SPINK5: variants seen among roughly 807,000 people sequenced by gnomAD.
SPINK5 encodes the protein serine peptidase inhibitor Kazal type 5.
SPINK5 carries 125 observed loss-of-function variants against 151.8 expected under a neutral mutation model. The ratio of observed to expected loss-of-function variants is 0.82; its 90% CI spans 0.71 to 0.96. SPINK5 has a LOEUF of 0.96. Among genes scored for constraint, SPINK5 ranks in the 40% least tolerant of loss-of-function variants. The pLI is 0.00. For missense variants in SPINK5, 1,194 were observed against 1,291.9 expected (o/e 0.92, Z 1.16); for synonymous variants, 374 against 395.3 (o/e 0.95, Z 0.64).
chr5:148,081,703 C>T (rs1236013165), intron 4 of SPINK5, among the ~76,000 whole-genome samples: 1 of 151,560 alleles, frequency 6.6e-6, no homozygotes, highest in Non-Finnish European at 1.5e-5. Context: ...GGCTGTACAA[C>T]TCTTTCCATT....
chr5:148,099,799 T>C (rs947401411), intron 12 of SPINK5, among the ~76,000 whole-genome samples: 11 of 152,144 alleles, frequency 7.2e-5, no homozygotes, highest in African/African-American at 2.4e-4. Context: ...CTCTGGATTT[T>C]ATCCTTTCCC....
At chr5:148,133,002 C>G (rs1376935559) in intron 31 of SPINK5, among the ~76,000 whole-genome samples, 3 of 152,088 alleles carry the variant, frequency 2.0e-5, no homozygotes, top group Non-Finnish European at 2.9e-5. Flanking sequence ...CCTAAATTAT[C>G]CATATAATTT....
At chr5:148,094,926 A>G (rs1753415937) in intron 9 of SPINK5, among the ~76,000 whole-genome samples, 1 of 151,946 alleles carries the variant, frequency 6.6e-6, no homozygotes, top group Non-Finnish European at 1.5e-5. Flanking sequence ...GGGACATATG[A>G]CCTTGGGAGA....
At chr5:148,126,930 G>C (rs1581109715) in intron 29 of SPINK5, 53 bp from the exon 30 acceptor site, 2 of 1,423,990 alleles carry the variant, frequency 1.4e-6, no homozygotes, top group Middle Eastern at 2.3e-4. Flanking sequence ...CTTCTCACTG[G>C]AAGTTATAGG....
intron 15 of SPINK5, 33 bp from the exon 16 acceptor site, chr5:148,104,919 T>TTCTTCTC (rs2113132639): frequency 6.3e-7 from 1 of 1,599,256 alleles, no homozygotes; most frequent in East Asian, 2.3e-5. Context: ...AAAAATCCAT[T>TTCTTCTC]TCTTCTCTCT....
chr5:148,116,749 C>G (rs1237339982), intron 22 of SPINK5, among the ~76,000 whole-genome samples: 5 of 152,222 alleles, frequency 3.3e-5, no homozygotes, highest in Non-Finnish European at 5.9e-5. Context: ...TAATCGTTCT[C>G]ATCAGTATCA....
intron 15 of SPINK5, among the ~76,000 whole-genome samples, chr5:148,103,272 CA>C (rs981550840): frequency 2.0e-5 from 3 of 151,942 alleles, no homozygotes; most frequent in African/African-American, 7.3e-5. Flanking sequence ...TAGATGAAAC[CA>C]GATAAAAAGC....
At chr5:148,125,417 C>A in intron 28 of SPINK5, 2 of 1,044,880 alleles carry the variant, frequency 1.9e-6, no homozygotes, top group Non-Finnish European at 1.5e-6. Flanking sequence ...GTCCTTTTGT[C>A]AAAAGCATGC....
intron 4 of SPINK5, among the ~76,000 whole-genome samples, chr5:148,081,008 A>T (rs1324942870): frequency 6.6e-6 from 1 of 151,644 alleles, no homozygotes; most frequent in Non-Finnish European, 1.5e-5. Flanking sequence ...GCTAATAAGC[A>T]CACAACAAGA....
intron 30 of SPINK5, among the ~76,000 whole-genome samples, chr5:148,127,783 A>C (rs1313031140): frequency 1.3e-5 from 2 of 152,104 alleles, no homozygotes; most frequent in Non-Finnish European, 2.9e-5. Flanking sequence ...GCTTGAGCCC[A>C]GGTGGTCGAG....
chr5:148,120,257 T>A (rs1270484878), intron 25 of SPINK5, 38 bp from the exon 26 acceptor site: 1 of 1,605,450 alleles, frequency 6.2e-7, no homozygotes, highest in African/African-American at 1.3e-5. Flanking sequence ...GAGGCGTTTG[T>A]TCACTTTGAT....
At chr5:148,064,233 A>G (rs1284642061) in intron 1 of SPINK5, 134 bp downstream of exon 1, 6 of 887,468 alleles carry the variant, frequency 6.8e-6, no homozygotes, top group African/African-American at 1.6e-5. Flanking sequence ...TGCCAGACAC[A>G]GAGTTCTGAA....
intron 15 of SPINK5, 102 bp from the exon 16 acceptor site, chr5:148,104,850 C>A (rs568673737): frequency 3.8e-6 from 4 of 1,058,858 alleles, no homozygotes; most frequent in Admixed American, 2.3e-5. Flanking sequence ...GAGCCGAGAT[C>A]GCGCCACTGC....
At position 148,072,172 on chromosome 5, in the gene SPINK5, G is replaced by A; in HGVS notation, c.234G>A (p.Lys78=). Residue 78 remains lysine, a synonymous_variant, in exon 4 of 33, where the codon AAG becomes AAA. Coordinates refer to ENST00000256084, the MANE Select transcript of SPINK5 (RefSeq NM_006846.4). ...GGGAAAAAGAAGCAAAATCACAGAA[G>A]AGGGCCAGGCATTTAGCAAGAGCTC... is the stretch of plus-strand genomic sequence containing the variant. ...MILEKEAKSQ[K]RARHLARAPK... 1.2e-6 allele frequency: 2 copies of A among 1,612,362 alleles called. No individual in the cohort carries two copies. Among genetic ancestry groups the A allele is most frequent in the Non-Finnish European group, 8.5e-7 (1 of 1,178,798 alleles).
intron 25 of SPINK5, 41 bp from the exon 26 acceptor site, chr5:148,120,254 T>C (rs781108060): frequency 1.2e-6 from 2 of 1,605,686 alleles, no homozygotes; most frequent in Non-Finnish European, 1.7e-6. Context: ...AATGAGGCGT[T>C]TGTTCACTTT....
chr5:148,120,957 G>A (rs1403606233), intron 26 of SPINK5, among the ~76,000 whole-genome samples: 4 of 151,588 alleles, frequency 2.6e-5, no homozygotes, highest in African/African-American at 9.7e-5. Flanking sequence ...ATCCTGGCTA[G>A]CACGGTGAAA....
At position 148,125,726 on chromosome 5, in the gene SPINK5, G is replaced by A; in HGVS notation, c.2743G>A (p.Glu915Lys). 6.2e-7 allele frequency: 1 copy of A among 1,614,186 alleles called. No homozygotes were observed. The highest frequency in any genetic ancestry group is 8.5e-7 in the Non-Finnish European group (1 of 1,180,022). The change falls in exon 29 of 33, where the codon GAG becomes AAG. Residue 915 changes from glutamate (E) to lysine (K), a missense_variant. Transcript: ENST00000256084. ...SSKPSNNAKDECSEFRNYIRN... is the reference protein window; with the variant it reads ...SSKPSNNAKDKCSEFRNYIRN... ...CTTTCCCTTTCTCATTTTCTAGGAT[G>A]AGTGCAGTGAATTTCGAAACTATAT...
At chr5:148,086,155 C>T (rs539817388) in intron 4 of SPINK5, among the ~76,000 whole-genome samples, 5 of 151,822 alleles carry the variant, frequency 3.3e-5, no homozygotes, top group Non-Finnish European at 5.9e-5. Flanking sequence ...AGAGTGGTGA[C>T]GTGGCCTACT....
At chr5:148,127,588 C>T (rs773048739) in intron 30 of SPINK5, among the ~76,000 whole-genome samples, 4 of 152,088 alleles carry the variant, frequency 2.6e-5, no homozygotes, top group Non-Finnish European at 4.4e-5. Context: ...TGCGGTGGCT[C>T]ATGACTATAA....
Sources: allele counts gnomAD v4.1 joint callset (sites outside exome capture counted in the v4.1 genomes callset), GRCh38; gene constraint gnomAD v4.1.1; transcripts MANE v1.5; gene names NCBI Gene and HGNC (gene_info 2026-07-23, HGNC 2026-07-21).